The following TEX22 variants were observed in gnomAD, a reference collection of about 807,000 sequenced individuals.
The protein encoded by TEX22 is testis expressed 22.
Under a neutral mutation model 11.3 loss-of-function variants are expected in TEX22, and 16 were observed. The observed-to-expected ratio is 1.42, with a 90% confidence interval of 0.96 to 2.15. The LOEUF (loss-of-function observed/expected upper bound fraction) is 2.15, where lower values mean the gene tolerates loss of function less well. Among genes scored for constraint, TEX22 ranks in the 30% most tolerant of loss-of-function variants. The pLI, the probability that TEX22 is intolerant of heterozygous loss-of-function variation, is 0.00. For synonymous variants in TEX22, 97 were observed against 92.3 expected, an observed-to-expected ratio of 1.05 and a Z score of -0.29; for missense variants, 220 against 208.6, an observed-to-expected ratio of 1.05 and a Z score of -0.34.
At chr14:105,408,344 T>C (rs1268069414) in intron 2 of TEX22, among the ~76,000 whole-genome samples, 2 of 147,682 alleles carry the variant, frequency 1.4e-5, no homozygotes, top group Non-Finnish European at 3.0e-5. Context: ...GGGGTTCAAG[T>C]GGTTCTCCTG....
intron 2 of TEX22, among the ~76,000 whole-genome samples, chr14:105,408,032 TAAA>T (rs1228074052): frequency 5.3e-5 from 8 of 152,206 alleles, no homozygotes; most frequent in Non-Finnish European, 8.8e-5. Flanking sequence ...CTCTATGAGT[TAAA>T]GAGTTCTGTG....
chr14:105,399,541 CTGAGGCCGCT>C, intron 2 of TEX22, 51 bp downstream of exon 2: 1 of 1,473,038 alleles, frequency 6.8e-7, no homozygotes, highest in South Asian at 1.3e-5. Context: ...CCCAGCCCGC[CTGAGGCCGCT>C]GTCTCTGAAA....
intron 2 of TEX22, among the ~76,000 whole-genome samples, chr14:105,405,578 C>G (rs1555418826): frequency 1.3e-5 from 2 of 152,204 alleles, no homozygotes; most frequent in African/African-American, 4.8e-5. Context: ...GGCCGTGCAT[C>G]AGTTCACATT....
chr14:105,399,563 C>T, intron 2 of TEX22, 73 bp downstream of exon 2: 1 of 1,449,356 alleles, frequency 6.9e-7, no homozygotes. Context: ...TCTCTGAAAA[C>T]TCCAGGCTGG....
chr14:105,399,837 TC>T (rs1264324549), intron 2 of TEX22, among the ~76,000 whole-genome samples: 1 of 151,630 alleles, frequency 6.6e-6, no homozygotes, highest in Non-Finnish European at 1.5e-5. Flanking sequence ...GAAAGCAAGG[TC>T]CCCAGGGGGG....
intron 2 of TEX22, among the ~76,000 whole-genome samples, chr14:105,400,736 G>A (rs1555418259): frequency 6.6e-6 from 1 of 152,190 alleles, no homozygotes; most frequent in African/African-American, 2.4e-5. Context: ...CCAAGGGCAG[G>A]CGAGCAGTGG....
intron 2 of TEX22, among the ~76,000 whole-genome samples, chr14:105,409,018 A>G (rs2141361533): frequency 6.8e-6 from 1 of 146,930 alleles, no homozygotes; most frequent in East Asian, 2.0e-4. Context: ...TCTTTCCTAA[A>G]CCTTCCAACA....
chr14:105,409,897 C>T (rs1228979066), intron 2 of TEX22, among the ~76,000 whole-genome samples: 1 of 152,030 alleles, frequency 6.6e-6, no homozygotes, highest in Non-Finnish European at 1.5e-5. Context: ...GCCTCAGCCT[C>T]CCCAGTAGCA....
At position 105,402,553 on chromosome 14, in the gene TEX22, G is replaced by A. The variant is rs150745078; in HGVS notation, c.150+3063G>A. Among the ~76,000 whole-genome samples, 427 of 151,966 alleles carry A rather than the reference G, an allele frequency of 2.8e-3. 3 individuals carry two copies. The highest frequency in any genetic ancestry group is 9.2e-3 in the African/African-American group (379 of 41,282). ...GCAGATCACAAGGTCTGGAGATCAA[G>A]ACCATCCTGGCTAACACGGTGAAAC... On this transcript the variant is annotated intron_variant, in intron 2 of 3. Transcript: ENST00000451127.
chr14:105,402,563 G>A (rs1014804918), intron 2 of TEX22, among the ~76,000 whole-genome samples: 14 of 151,654 alleles, frequency 9.2e-5, no homozygotes, highest in East Asian at 3.9e-4. Context: ...GACCATCCTG[G>A]CTAACACGGT....
At chr14:105,410,237 C>G (rs2081681937) in intron 2 of TEX22, among the ~76,000 whole-genome samples, 1 of 152,152 alleles carries the variant, frequency 6.6e-6, no homozygotes, top group African/African-American at 2.4e-5. Flanking sequence ...GCCACCACGC[C>G]TGGCTAATTT....
chr14:105,403,064 G>A (rs587703099), intron 2 of TEX22, among the ~76,000 whole-genome samples: 8 of 152,230 alleles, frequency 5.3e-5, no homozygotes, highest in South Asian at 2.1e-4. Context: ...ATTGAAAGCC[G>A]CTCCACTGCA....
chr14:105,405,619 C>T (rs782447068), intron 2 of TEX22, among the ~76,000 whole-genome samples: 12 of 152,120 alleles, frequency 7.9e-5, no homozygotes, highest in African/African-American at 1.7e-4. Context: ...AAACTTACCT[C>T]GGATTTGGGA....
chr14:105,402,354 A>AAAAGAGGGAGT (rs1459065969), intron 2 of TEX22, among the ~76,000 whole-genome samples: 1 of 152,222 alleles, frequency 6.6e-6, no homozygotes, highest in African/African-American at 2.4e-5. Flanking sequence ...GAGTTTGGAT[A>AAAAGAGGGAGT]TGTGATCACC....
rs10715186 is a variant in TEX22, at chr14:105,407,069, A to ATTTT, written c.151-4284_151-4281dup. Among the ~76,000 whole-genome samples, 321 of 116,172 alleles carry ATTTT rather than the reference A, an allele frequency of 2.8e-3. 6 individuals carry two copies. The highest frequency in any genetic ancestry group is 8.9e-3 in the African/African-American group (299 of 33,530). The allele number at this position is 116,172 out of a possible 152,430, so 76.2% of individuals were successfully genotyped here. A position where few individuals can be genotyped will look rare whatever the true frequency, so the allele number is the denominator to read the frequency against. On this transcript the variant is annotated intron_variant, in intron 2 of 3. Coordinates refer to ENST00000451127, the MANE Select transcript of TEX22 (RefSeq NM_001195082.2). ...GCCACCATGTCTGGCTAATTTCTTA[A>ATTTT]TTTTTTTTTTTTTTTTTTGAGACAG...
intron 2 of TEX22, among the ~76,000 whole-genome samples, chr14:105,411,119 T>C (rs1440788395): frequency 3.9e-5 from 6 of 152,216 alleles, no homozygotes; most frequent in African/African-American, 1.4e-4. Flanking sequence ...CAGGCAGCCC[T>C]GCTGTACATG....
intron 1 of TEX22, 77 bp from the exon 2 acceptor site, chr14:105,399,225 C>T: frequency 1.2e-6 from 1 of 838,542 alleles, no homozygotes; most frequent in Non-Finnish European, 1.8e-6. Context: ...ACCATCTGCC[C>T]CCAGGGACTC....
chr14:105,403,588 A>G (rs1555418634), intron 2 of TEX22, among the ~76,000 whole-genome samples: 2 of 152,110 alleles, frequency 1.3e-5, no homozygotes, highest in Non-Finnish European at 2.9e-5. Flanking sequence ...ATGCCTAGCT[A>G]ATTTTAAAAA....
intron 2 of TEX22, among the ~76,000 whole-genome samples, chr14:105,408,417 TTTTG>T (rs1189749735): frequency 3.3e-5 from 5 of 151,834 alleles, no homozygotes; most frequent in Non-Finnish European, 5.9e-5. Flanking sequence ...AATTTTTGTG[TTTTG>T]TTTGTTTGTT....
Sources: gnomAD v4.1 joint callset for allele counts (sites outside exome capture counted in the v4.1 genomes callset) on GRCh38, gnomAD v4.1.1 for gene constraint, MANE v1.5 for transcripts, NCBI Gene and HGNC (gene_info 2026-07-23, HGNC 2026-07-21) for gene names.